WDFY3: variants seen among roughly 807,000 people sequenced by gnomAD.
The protein encoded by WDFY3 is WD repeat and FYVE domain-containing protein 3.
A neutral mutation model predicts 409.6 loss-of-function variants in WDFY3; 66 were observed. That is an observed-to-expected ratio of 0.16 (90% confidence interval 0.13 to 0.20). WDFY3 has a LOEUF of 0.20. Among genes scored for constraint, WDFY3 ranks in the 10% least tolerant of loss-of-function variants. The pLI, the probability that WDFY3 is intolerant of heterozygous loss-of-function variation, is 1.00. For missense variants in WDFY3, 3,031 were observed against 4,298.1 expected, an observed-to-expected ratio of 0.71 and a Z score of 8.24; for synonymous variants, 1,521 against 1,537.1, an observed-to-expected ratio of 0.99 and a Z score of 0.25.
At chr4:84,765,724 C>G (rs1743514705) in intron 32 of WDFY3, 86 bp downstream of exon 32, 4 of 1,132,258 alleles carry the variant, frequency 3.5e-6, no homozygotes, top group Non-Finnish European at 5.1e-6. Context: ...GGTGATCAAA[C>G]CGCAGAGGAT....
At chr4:84,675,640 A>T (rs1167886606) in intron 67 of WDFY3, among the ~76,000 whole-genome samples, 2 of 152,212 alleles carry the variant, frequency 1.3e-5, no homozygotes, top group African/African-American at 4.8e-5. Context: ...GACTATGCCC[A>T]TACCAGTAAG....
At chr4:84,705,640 T>A in intron 53 of WDFY3, 129 bp from the exon 54 acceptor site, 1 of 729,774 alleles carries the variant, frequency 1.4e-6, no homozygotes, top group South Asian at 1.7e-5. Context: ...CAAACTGGTA[T>A]AACTGGACTC....
intron 3 of WDFY3, among the ~76,000 whole-genome samples, chr4:84,866,117 G>T (rs1761357955): frequency 6.6e-6 from 1 of 152,044 alleles, no homozygotes; most frequent in Non-Finnish European, 1.5e-5. Context: ...GAGCTCAGTG[G>T]GTTTACTGGT....
intron 49 of WDFY3, among the ~76,000 whole-genome samples, chr4:84,716,524 C>T (rs542164417): frequency 6.6e-5 from 10 of 150,662 alleles, no homozygotes; most frequent in South Asian, 6.3e-4. Context: ...CGGCCGGGCG[C>T]GGTGGCTCAC....
rs371102640 is a variant in WDFY3, at chr4:84,678,938, A to G, written c.10128T>C (p.Asn3376=). Residue 3376 remains asparagine (N), a synonymous_variant, in exon 65 of 68, where the codon AAT becomes AAC. Transcript: ENST00000295888. ...AGTTACCAGGTTTCAATCTGCTGTA[A>G]TTCCGCACCTCAATGGGATTGGGGT... ...HPHPNPIEVR[N]YSRLKPGYRW... is the part of the protein sequence containing the mutation. The G allele has an allele frequency of 1.8e-5, 29 of 1,613,022 alleles. No individual in the cohort carries two copies. The highest frequency in any genetic ancestry group is 2.4e-5 in the Non-Finnish European group (28 of 1,179,490).
intron 44 of WDFY3, among the ~76,000 whole-genome samples, chr4:84,728,751 G>A (rs758539779): frequency 2.0e-5 from 3 of 151,702 alleles, no homozygotes; most frequent in Non-Finnish European, 4.4e-5. Context: ...TTGATTAACC[G>A]GTTCTTATTT....
intron 2 of WDFY3, among the ~76,000 whole-genome samples, chr4:84,908,893 G>A (rs1767394048): frequency 6.6e-6 from 1 of 152,064 alleles, no homozygotes; most frequent in African/African-American, 2.4e-5. Flanking sequence ...CTCTTTGAGG[G>A]CAGAAATCAT....
At chr4:84,865,528 C>T (rs930096108) in intron 3 of WDFY3, among the ~76,000 whole-genome samples, 1 of 152,250 alleles carries the variant, frequency 6.6e-6, no homozygotes, top group East Asian at 1.9e-4. Flanking sequence ...TGTCTGATCA[C>T]CCTGGCCTGC....
intron 29 of WDFY3, among the ~76,000 whole-genome samples, chr4:84,773,722 TTTTG>T (rs1355823712): frequency 2.6e-5 from 4 of 152,188 alleles, no homozygotes; most frequent in East Asian, 1.9e-4. Context: ...CCACCAGATT[TTTTG>T]TTTGTTTGTT....
intron 21 of WDFY3, among the ~76,000 whole-genome samples, chr4:84,790,587 A>C (rs1358679578): frequency 6.6e-6 from 1 of 152,172 alleles, no homozygotes; most frequent in African/African-American, 2.4e-5. Context: ...ACTAGTTGAC[A>C]CCCAAAACAA....
intron 64 of WDFY3, among the ~76,000 whole-genome samples, chr4:84,679,772 C>T (rs1005889974): frequency 1.3e-5 from 2 of 151,554 alleles, no homozygotes; most frequent in Admixed American, 1.3e-4. Flanking sequence ...TTCTGTGCCT[C>T]CTGAGTTCTT....
chr4:84,708,149 T>C (rs989123045), intron 53 of WDFY3, among the ~76,000 whole-genome samples: 1 of 152,260 alleles, frequency 6.6e-6, no homozygotes. Flanking sequence ...AAAATATTCA[T>C]ATGCATCTAT....
rs748705506 is a variant in WDFY3 at position 84,860,464 on chromosome 4, G to A, written c.128C>T (p.Thr43Ile). ...CAGTTTCTCTTCTTGTTCCTTCTGA[G>A]TCATGTGCCGGGGAGGATGGCACAA... ...TELCHPPRHM[T>I]QKEQEEKLYM... Residue 43 changes from threonine to isoleucine, a missense_variant, in exon 4 of 68, where the codon ACT becomes ATT. Physicochemically the swap from Thr to Ile is moderately conservative, Grantham distance 89. This residue lies in a region of WDFY3 where 1,322 missense variants were observed against 1,697.9 expected (regional missense o/e 0.78). Transcript: ENST00000295888. 37 of 1,613,976 alleles carry A rather than the reference G, an allele frequency of 2.3e-5. No homozygotes were observed. The highest frequency in any genetic ancestry group is 3.1e-5 in the Non-Finnish European group (36 of 1,180,010).
At chr4:84,844,208 A>G (rs1259201758) in intron 5 of WDFY3, among the ~76,000 whole-genome samples, 1 of 152,220 alleles carries the variant, frequency 6.6e-6, no homozygotes, top group Admixed American at 6.5e-5. Context: ...TAAGTGAAAT[A>G]CAAGTTTTCC....
intron 62 of WDFY3, among the ~76,000 whole-genome samples, chr4:84,686,672 C>A (rs1560528242): frequency 6.6e-6 from 1 of 152,058 alleles, no homozygotes; most frequent in Admixed American, 6.5e-5. Flanking sequence ...GGTAAGGTGG[C>A]AATGGATATG....
chr4:84,910,884 ATTTT>A (rs1234247769), intron 2 of WDFY3, among the ~76,000 whole-genome samples: 1 of 136,414 alleles, frequency 7.3e-6, no homozygotes, highest in Non-Finnish European at 1.6e-5. Flanking sequence ...TTTTTTCTGT[ATTTT>A]TTTTTTTTTT....
At chr4:84,812,840 A>G (rs1006600374) in intron 13 of WDFY3, among the ~76,000 whole-genome samples, 3 of 152,184 alleles carry the variant, frequency 2.0e-5, no homozygotes, top group African/African-American at 7.2e-5. Context: ...CAATCTCAGT[A>G]TTCGAAAAAT....
intron 48 of WDFY3, among the ~76,000 whole-genome samples, chr4:84,717,373 TAA>T (rs1454907439): frequency 2.0e-5 from 3 of 152,180 alleles, no homozygotes; most frequent in Admixed American, 1.3e-4. Context: ...CATTTTAATA[TAA>T]GATTATATTT....
At chr4:84,896,830 AAC>A (rs1339643197) in intron 3 of WDFY3, 79 bp downstream of exon 3, 1 of 152,224 alleles carries the variant, frequency 6.6e-6, no homozygotes, top group Non-Finnish European at 1.5e-5. Context: ...ACACATAATT[AAC>A]AGTCTTTGTT....
Sources: gnomAD v4.1 joint callset for allele counts (sites outside exome capture counted in the v4.1 genomes callset) on GRCh38, gnomAD v4.1.1 for gene constraint, gnomAD v4.1.1 regional missense constraint, MANE v1.5 for transcripts, NCBI Gene and HGNC (gene_info 2026-07-23, HGNC 2026-07-21) for gene names.